TGM6: variants seen among roughly 807,000 people sequenced by gnomAD.
TGM6 encodes transglutaminase 6, also known as protein-glutamine gamma-glutamyltransferase 6.
A neutral mutation model predicts 77.5 loss-of-function variants in TGM6; 74 were observed. The ratio of observed to expected loss-of-function variants is 0.96; its 90% confidence interval spans 0.79 to 1.16. TGM6 has a LOEUF of 1.16. Ranked by LOEUF, TGM6 falls within the 50% of genes most tolerant of loss-of-function variation. TGM6 has a pLI of 0.00. For missense variants in TGM6, 968 were observed against 940.2 expected (o/e 1.03, Z -0.39); for synonymous variants, 383 against 378.9 (o/e 1.01, Z -0.12).
chr20:2,413,303 G>C (rs2084795637), intron 9 of TGM6, among the ~76,000 whole-genome samples: 2 of 152,162 alleles, frequency 1.3e-5, no homozygotes, highest in African/African-American at 4.8e-5. Flanking sequence ...CAGCTACTCA[G>C]GAGGCTGAGG....
intron 10 of TGM6, among the ~76,000 whole-genome samples, chr20:2,426,061 C>T (rs2084885682): frequency 6.6e-6 from 1 of 152,174 alleles, no homozygotes; most frequent in African/African-American, 2.4e-5. Context: ...ATAACTTCTT[C>T]AGATTGCATT....
chr20:2,399,421 C>T (rs1251041397), intron 5 of TGM6, 140 bp from the exon 6 acceptor site: 9 of 1,062,828 alleles, frequency 8.5e-6, no homozygotes, highest in Non-Finnish European at 1.3e-5. Flanking sequence ...GCAACAGATG[C>T]CCCTAATTTT....
At chr20:2,382,407 A>C (rs2084561896) in intron 1 of TGM6, among the ~76,000 whole-genome samples, 1 of 152,144 alleles carries the variant, frequency 6.6e-6, no homozygotes, top group African/African-American at 2.4e-5. Flanking sequence ...CACCTAGATG[A>C]TCCCTCTTCC....
rs886056552 is a variant in TGM6, at chr20:2,399,675, A to G, written c.787A>G (p.Lys263Glu). ...GSVAILQKWL[K>E]GRYKPVKYGQ... ...CGTGGCCATTCTGCAGAAGTGGCTC[A>G]AGGGCAGGTACAAGCCAGTCAAGTA... Residue 263 changes from lysine to glutamate, a missense_variant, in exon 6 of 13, where the codon AAG becomes GAG. Physicochemically the swap from Lys to Glu is moderately conservative, Grantham distance 56. Transcript: ENST00000202625. The G allele has an allele frequency of 5.6e-6, 9 of 1,613,822 alleles. No individual in the cohort carries two copies. Among genetic ancestry groups the G allele is most frequent in the Non-Finnish European group, 7.6e-6 (9 of 1,179,962 alleles).
At chr20:2,385,773 G>A (rs537756337) in intron 1 of TGM6, among the ~76,000 whole-genome samples, 10 of 152,250 alleles carry the variant, frequency 6.6e-5, no homozygotes, top group East Asian at 5.8e-4. Context: ...TCCCCATTCC[G>A]TACCCCAGCC....
chr20:2,429,754 C>T (rs1049890332), intron 10 of TGM6, among the ~76,000 whole-genome samples: 3 of 150,636 alleles, frequency 2.0e-5, no homozygotes, highest in Admixed American at 2.0e-4. Context: ...CGCGACAGAG[C>T]GAGACTCCGT....
intron 1 of TGM6, among the ~76,000 whole-genome samples, chr20:2,386,283 T>A (rs1056664082): frequency 6.6e-6 from 1 of 152,078 alleles, no homozygotes; most frequent in African/African-American, 2.4e-5. Flanking sequence ...GTGATGCTGA[T>A]GGATGTGGAT....
At chr20:2,390,466 G>A (rs141922835) in intron 1 of TGM6, among the ~76,000 whole-genome samples, 243 of 152,276 alleles carry the variant, frequency 1.6e-3, no homozygotes, top group African/African-American at 5.5e-3. Context: ...TTGTTTGTGT[G>A]CCCTTTGGCA....
intron 10 of TGM6, among the ~76,000 whole-genome samples, chr20:2,418,949 C>T (rs1308562441): frequency 3.9e-5 from 6 of 152,110 alleles, no homozygotes; most frequent in African/African-American, 1.2e-4. Context: ...TGGTGGCACA[C>T]GCCTGTAGTC....
intron 9 of TGM6, among the ~76,000 whole-genome samples, chr20:2,404,892 C>T (rs1004135860): frequency 2.0e-5 from 3 of 152,204 alleles, no homozygotes; most frequent in Admixed American, 6.5e-5. Context: ...CTACTCACCT[C>T]AGCCTCCCAA....
intron 9 of TGM6, 117 bp downstream of exon 9, chr20:2,403,940 G>C (rs1415945416): frequency 6.5e-7 from 1 of 1,543,694 alleles, no homozygotes; most frequent in African/African-American, 1.4e-5. Flanking sequence ...GCTGACAGCA[G>C]CTTCCATTCA....
chr20:2,398,290 A>C (rs1265266524), intron 5 of TGM6, among the ~76,000 whole-genome samples: 1 of 152,104 alleles, frequency 6.6e-6, no homozygotes, highest in Non-Finnish European at 1.5e-5. Context: ...TCTTCTGGGG[A>C]TATCTTAATG....
chr20:2,406,848 A>C (rs80232083), intron 9 of TGM6, among the ~76,000 whole-genome samples: 11 of 124,746 alleles, frequency 8.8e-5, no homozygotes, highest in South Asian at 2.5e-4. Flanking sequence ...AAAAAAAAAA[A>C]AAAAAAAAAA....
chr20:2,414,599 A>G lies in TGM6; in HGVS notation c.1337-2633A>G, dbSNP rs1161068649. 2.0e-5 allele frequency among the ~76,000 whole-genome samples: 3 copies of G among 152,298 alleles called. No homozygotes were observed. In the East Asian group the frequency reaches 5.8e-4, roughly 29 times the overall value. On this transcript the variant is annotated intron_variant, in intron 9 of 12. Coordinates refer to ENST00000202625, the MANE Select transcript of TGM6 (RefSeq NM_198994.3). ...AAATGAAAACAAACACCCACACAAAAACTTTACATGAATATTTATAGAAAC... is the reference window on the plus strand; with the variant it reads ...AAATGAAAACAAACACCCACACAAAGACTTTACATGAATATTTATAGAAAC...
chr20:2,392,261 G>A (rs892988690), intron 1 of TGM6, among the ~76,000 whole-genome samples: 1 of 152,218 alleles, frequency 6.6e-6, no homozygotes, highest in African/African-American at 2.4e-5. Context: ...AATAGGGGAA[G>A]AGGATGCTTG....
chr20:2,385,219 C>T (rs536679829), intron 1 of TGM6, among the ~76,000 whole-genome samples: 90 of 152,274 alleles, frequency 5.9e-4, no homozygotes, highest in African/African-American at 1.8e-3. Flanking sequence ...TCCTCTTGCC[C>T]GTCTGTGTTA....
Position 2,404,901 on chromosome 20 carries a change from AAAGTGC to A in TGM6, c.1336+1079_1336+1084del, listed in dbSNP as rs2084739398. Among the ~76,000 whole-genome samples the A allele has an allele frequency of 3.9e-5, 6 of 152,290 alleles. No individual in the cohort carries two copies. In the South Asian group the frequency reaches 1.2e-3, roughly 32 times the overall value. The stretch of plus-strand genomic sequence containing the variant: ...GGTGATCTACTCACCTCAGCCTCCC[AAAGTGC>A]TGGGATTACAGGCATGAGCCACTGC... On this transcript the variant is annotated intron_variant, in intron 9 of 12. Coordinates refer to ENST00000202625, the MANE Select transcript of TGM6 (RefSeq NM_198994.3).
chr20:2,430,529 T>G lies in TGM6; in HGVS notation c.1762T>G (p.Cys588Gly), dbSNP rs747440207. ...CAAGAAGATCCTGTTGGCTGCCATG[T>G]GCCTTGTCACCAAAGGAGAGAAGCT... ...EDKKILLAAM[C>G]LVTKGEKLLV... The change falls in exon 11 of 13, where the codon TGC (cysteine) becomes GGC (glycine). Residue 588 changes from cysteine to glycine, a missense_variant. Cys to Gly is a radical substitution (Grantham distance 159, BLOSUM62 -3). Coordinates refer to ENST00000202625, the MANE Select transcript of TGM6 (RefSeq NM_198994.3). 1 of 1,614,216 alleles carries G rather than the reference T, an allele frequency of 6.2e-7. No individual in the cohort carries two copies. The highest frequency in any genetic ancestry group is 1.1e-5 in the South Asian group (1 of 91,086).
Position 2,417,207 on chromosome 20 carries a change from G to T in TGM6, c.1337-25G>T. 5 of 1,568,492 alleles carry T rather than the reference G, an allele frequency of 3.2e-6. 1 individual carries two copies. The highest frequency in any genetic ancestry group is 2.6e-6 in the Non-Finnish European group (3 of 1,156,276). On this transcript the variant is annotated intron_variant, in intron 9 of 12. Transcript: ENST00000202625. ...TTAAAGGAGCAAGGGGGTGCCTGCCGCTGACGTTGTGTGATGCCCTGCAGG... is the reference window on the plus strand; with the variant it reads ...TTAAAGGAGCAAGGGGGTGCCTGCCTCTGACGTTGTGTGATGCCCTGCAGG...
Sources: allele counts gnomAD v4.1 joint callset (sites outside exome capture counted in the v4.1 genomes callset), GRCh38; gene constraint gnomAD v4.1.1; transcripts MANE v1.5; gene names NCBI Gene and HGNC (gene_info 2026-07-23, HGNC 2026-07-21).